WNT2B: variants seen among roughly 807,000 people sequenced by gnomAD.
WNT2B encodes protein Wnt-2b.
In WNT2B, 19 loss-of-function variants were observed where a neutral mutation model predicts 40.5. The ratio of observed to expected loss-of-function variants is 0.47; its 90% confidence interval spans 0.33 to 0.69. The LOEUF (loss-of-function observed/expected upper bound fraction) is 0.69, where lower values mean the gene tolerates loss of function less well. Ranked by LOEUF, WNT2B falls within the 30% of genes least tolerant of loss-of-function variation. The pLI, the probability that WNT2B is intolerant of heterozygous loss-of-function variation, is 0.02. For synonymous variants in WNT2B, 220 were observed against 211.9 expected (o/e 1.04, Z -0.33); for missense variants, 467 against 556.4 (o/e 0.84, Z 1.62).
At chr1:112,476,435 C>A (rs921373462) in intron 1 of WNT2B, among the ~76,000 whole-genome samples, 1 of 152,154 alleles carries the variant, frequency 6.6e-6, no homozygotes. Context: ...AGAAAAACAA[C>A]GAATAAACAA....
Position 112,520,417 on chromosome 1 carries a change from T to C in WNT2B, c.1084T>C (p.Cys362Arg). Reference sequence around the variant, plus strand: ...CCAGTGTGAGTGCAAATTCCACTGGTGCTGTGCTGTACGGTGCAAGGAATG... The same window carrying C: ...CCAGTGTGAGTGCAAATTCCACTGGCGCTGTGCTGTACGGTGCAAGGAATG... ...VTQCECKFHW[C>R]CAVRCKECRN... Residue 362 changes from cysteine to arginine, a missense_variant, in exon 5 of 5, where the codon TGC (cysteine) becomes CGC (arginine). Physicochemically the swap from Cys to Arg is radical, Grantham distance 180 (BLOSUM62 -3). Coordinates refer to ENST00000369684, the MANE Select transcript of WNT2B (RefSeq NM_024494.3). 1 of 1,614,110 alleles carries C rather than the reference T, an allele frequency of 6.2e-7. No individual in the cohort carries two copies. The highest frequency in any genetic ancestry group is 1.1e-5 in the South Asian group (1 of 91,074).
chr1:112,525,905 A>T lies in WNT2B; in HGVS notation c.*5396A>T. 1.4e-6 allele frequency: 2 copies of T among 1,457,102 alleles called. No individual in the cohort carries two copies. Among genetic ancestry groups the T allele is most frequent in the South Asian group, 1.4e-5 (1 of 72,708 alleles). 90.3% of individuals were successfully genotyped at this position (1,457,102 alleles called of 1,614,324 possible). On this transcript the variant is annotated 3_prime_UTR_variant, in exon 5 of 5. Coordinates refer to ENST00000369684, the MANE Select transcript of WNT2B (RefSeq NM_024494.3). ...TTTCATATGCAAAATGCTTTAGCAT[A>T]TATGTAATCCTCACAACAACCCTGT...
chr1:112,478,872 A>T (rs914450203), intron 1 of WNT2B, among the ~76,000 whole-genome samples: 2 of 151,840 alleles, frequency 1.3e-5, no homozygotes, highest in African/African-American at 4.8e-5. Flanking sequence ...GCAGTGAGGC[A>T]TGATCACACC....
chr1:112,512,864 G>GAAGCCATTACTTAGTGGAGT (rs1652403285), intron 1 of WNT2B, among the ~76,000 whole-genome samples: 2 of 152,194 alleles, frequency 1.3e-5, no homozygotes, highest in Non-Finnish European at 2.9e-5. Context: ...GTGGAGTCTT[G>GAAGCCATTACTTAGTGGAGT]AAGCCATTAC....
rs1373477882 is a variant in WNT2B at position 112,509,274 on chromosome 1, G to A, written c.12G>A (p.Pro4=). The A allele has an allele frequency of 1.3e-6, 2 of 1,534,004 alleles. No individual in the cohort carries two copies. The highest frequency in any genetic ancestry group is 1.7e-6 in the Non-Finnish European group (2 of 1,145,546). The change falls in exon 1 of 5, where the codon CCG becomes CCA. Residue 4 remains proline (P), a synonymous_variant. Coordinates refer to ENST00000369684, the MANE Select transcript of WNT2B (RefSeq NM_024494.3). The surrounding 1 kb of genome is among the most constrained non-coding windows in gnomAD (Gnocchi z 4.2). MLR[P]GGAEEAAQLP... is the part of the protein sequence containing the mutation. ...GTCTTCGGGGAGCTATGCTGAGACCGGGTGGTGCGGAGGAAGCTGCGCAGC... is the reference window on the plus strand; with the variant it reads ...GTCTTCGGGGAGCTATGCTGAGACCAGGTGGTGCGGAGGAAGCTGCGCAGC...
In WNT2B at chr1:112,491,904, C is replaced by A. The variant is rs986422734; in HGVS notation, c.-94-22970C>A. 4.2e-4 allele frequency among the ~76,000 whole-genome samples: 64 copies of A among 151,690 alleles called. 1 individual carries two copies. Among genetic ancestry groups the A allele is most frequent in the Non-Finnish European group, 1.3e-4 (9 of 67,960 alleles). On this transcript the variant is annotated intron_variant, in intron 1 of 4. Coordinates refer to the WNT2B transcript ENST00000256640. ...AGATCTTGTCTCAAAAAATTTTTTC[C>A]AATAAAATAATTTTATTTATGTTCA...
chr1:112,471,509 AGAGT>A (rs1313759129), intron 1 of WNT2B, among the ~76,000 whole-genome samples: 1 of 152,212 alleles, frequency 6.6e-6, no homozygotes, highest in Non-Finnish European at 1.5e-5. Context: ...CCTTCTTTAA[AGAGT>A]GAGTGTCTAA....
rs1653187035 is a variant in WNT2B, at chr1:112,525,034, C to T, written c.*4525C>T. 6.6e-6 allele frequency: 1 copy of T among 152,200 alleles called. No individual in the cohort carries two copies. The highest frequency in any genetic ancestry group is 1.5e-5 in the Non-Finnish European group (1 of 68,060). 9.4% of individuals were successfully genotyped at this position (152,200 alleles called of 1,614,324 possible). A position where few individuals can be genotyped will look rare whatever the true frequency, so the allele number is the denominator to read the frequency against. ...CAGGAAGGGCATGGTGAGGAGAGAT[C>T]AGTGGTGAAGAATTACCATCAAAGC... On this transcript the variant is annotated 3_prime_UTR_variant, in exon 5 of 5. Coordinates refer to ENST00000369684, the MANE Select transcript of WNT2B (RefSeq NM_024494.3).
chr1:112,507,088 T>A (rs1465841360), upstream of WNT2B, among the ~76,000 whole-genome samples: 1 of 152,196 alleles, frequency 6.6e-6, no homozygotes, highest in Non-Finnish European at 1.5e-5. Flanking sequence ...CGGCTTAGGA[T>A]GCTCTTCACC....
rs1653188536 is a variant in WNT2B at position 112,525,042 on chromosome 1, AAGAATT to A, written c.*4535_*4540del. The stretch of plus-strand genomic sequence containing the variant: ...GCATGGTGAGGAGAGATCAGTGGTG[AAGAATT>A]ACCATCAAAGCAGAGTGGCTGAGAC... On this transcript the variant is annotated 3_prime_UTR_variant, in exon 5 of 5. Coordinates refer to ENST00000369684, the MANE Select transcript of WNT2B (RefSeq NM_024494.3). The A allele has an allele frequency of 6.6e-6, 1 of 152,218 alleles. No homozygotes were observed. Among genetic ancestry groups the A allele is most frequent in the South Asian group, 2.1e-4 (1 of 4,832 alleles). The allele number at this position is 152,218 out of a possible 1,614,324, so 9.4% of individuals were successfully genotyped here.
intron 1 of WNT2B, among the ~76,000 whole-genome samples, chr1:112,499,278 G>A (rs1179381677): frequency 6.6e-6 from 1 of 151,088 alleles, no homozygotes; most frequent in Non-Finnish European, 1.5e-5. Flanking sequence ...CCAGAAGACA[G>A]AAGCAGAGGA....
intron 1 of WNT2B, among the ~76,000 whole-genome samples, chr1:112,483,611 A>T (rs1361521208): frequency 6.6e-6 from 1 of 152,174 alleles, no homozygotes; most frequent in Non-Finnish European, 1.5e-5. Context: ...CAAGCAACAG[A>T]AGCAAAAATA....
At chr1:112,484,222 TATATATATACAC>T (rs758495364) in intron 1 of WNT2B, among the ~76,000 whole-genome samples, 11 of 123,368 alleles carry the variant, frequency 8.9e-5, no homozygotes, top group East Asian at 4.5e-4. Context: ...TATATACACA[TATATATATACAC>T]ATATATATAC....
At chr1:112,506,787 G>T (rs1442001568), upstream of WNT2B, among the ~76,000 whole-genome samples, 1 of 152,252 alleles carries the variant, frequency 6.6e-6, no homozygotes, top group East Asian at 1.9e-4. Context: ...AGAAGGGGAA[G>T]AAAATAAGTT....
intron 1 of WNT2B, among the ~76,000 whole-genome samples, chr1:112,487,116 A>G (rs1218557807): frequency 6.6e-6 from 1 of 152,256 alleles, no homozygotes; most frequent in Non-Finnish European, 1.5e-5. Context: ...ATATATCCAT[A>G]CAATGGAATA....
Position 112,516,183 on chromosome 1 carries a change from G to C in WNT2B, c.447G>C (p.Gly149=), listed in dbSNP as rs768452804. The C allele has an allele frequency of 6.2e-7, 1 of 1,614,004 alleles. No homozygotes were observed. The highest frequency in any genetic ancestry group is 8.5e-7 in the Non-Finnish European group (1 of 1,179,992). ...AAFVYAISSA[G]VVHAITRACS... Reference sequence around the variant, plus strand: ...TTGTATATGCCATCTCATCAGCAGGGGTAGTCCACGCTATTACTCGCGCCT... The same window carrying C: ...TTGTATATGCCATCTCATCAGCAGGCGTAGTCCACGCTATTACTCGCGCCT... The change falls in exon 3 of 5, where the codon GGG becomes GGC. Residue 149 remains glycine, a synonymous_variant. Transcript: ENST00000369684.
At chr1:112,490,944 C>T in intron 1 of WNT2B, 1 of 1,474,106 alleles carries the variant, frequency 6.8e-7, no homozygotes, top group Non-Finnish European at 9.4e-7. Context: ...CAAATCACTC[C>T]TCTTCCTGCT....
rs1281149098 is a variant in WNT2B, at chr1:112,514,891, G to A, written c.200G>A (p.Gly67Glu). 1 of 1,614,204 alleles carries A rather than the reference G, an allele frequency of 6.2e-7. No individual in the cohort carries two copies. Among genetic ancestry groups the A allele is most frequent in the Non-Finnish European group, 8.5e-7 (1 of 1,180,028 alleles). Residue 67 changes from glycine to glutamate, a missense_variant, in exon 2 of 5, where the codon GGG becomes GAG. Gly to Glu is a moderately conservative substitution (Grantham distance 98). Transcript: ENST00000369684. ...DTSWWYIGAL[G>E]ARVICDNIPG... Reference sequence around the variant, plus strand: ...CCTTGCAGGTACATTGGGGCACTGGGGGCACGAGTGATCTGTGACAATATC... The same window carrying A: ...CCTTGCAGGTACATTGGGGCACTGGAGGCACGAGTGATCTGTGACAATATC...
In WNT2B at chr1:112,489,230, A is replaced by AT. The variant is rs549865542; in HGVS notation, c.-95+21648dup. Among the ~76,000 whole-genome samples, 1,377 of 151,102 alleles carry AT rather than the reference A, an allele frequency of 9.1e-3. 18 individuals are homozygous for AT. The highest frequency in any genetic ancestry group is 0.031 in the African/African-American group (1,291 of 41,158). On this transcript the variant is annotated intron_variant, in intron 1 of 4. Transcript: ENST00000256640. Reference sequence around the variant, plus strand: ...CACATCTATATAGTAACAAGGACAGATTTTTTTTTAACATGAGAGTGTAAA... The same window carrying AT: ...CACATCTATATAGTAACAAGGACAGATTTTTTTTTTAACATGAGAGTGTAAA...
Sources: gnomAD v4.1 joint callset for allele counts (sites outside exome capture counted in the v4.1 genomes callset) on GRCh38, gnomAD v4.1.1 for gene constraint, Gnocchi (gnomAD v3.1) non-coding constraint, MANE v1.5 for transcripts, NCBI Gene and HGNC (gene_info 2026-07-23, HGNC 2026-07-21) for gene names.